The following GRID2 variants were observed in gnomAD, a reference collection of about 807,000 sequenced individuals.
GRID2 encodes the protein glutamate ionotropic receptor delta type subunit 2.
In GRID2, 33 loss-of-function variants were observed where a neutral mutation model predicts 114.8. That is an observed-to-expected ratio of 0.29 (90% CI 0.22 to 0.38). The LOEUF (loss-of-function observed/expected upper bound fraction) is 0.38. GRID2 is among the 10% of genes least tolerant of loss of function. The pLI, the probability that GRID2 is intolerant of heterozygous loss-of-function variation, is 1.00. For synonymous variants in GRID2, 505 were observed against 449.9 expected (o/e 1.12, Z -1.55); for missense variants, 1,184 against 1,257.7 (o/e 0.94, Z 0.89).
At chr4:93,328,985 A>ACT (rs1758150182) in intron 8 of GRID2, among the ~76,000 whole-genome samples, 4 of 152,302 alleles carry the variant, frequency 2.6e-5, no homozygotes, top group African/African-American at 9.6e-5. Flanking sequence ...CTGCAGTTTT[A>ACT]GTACCTACTA....
intron 1 of GRID2, among the ~76,000 whole-genome samples, chr4:92,515,327 G>T (rs1309672931): frequency 4.0e-5 from 6 of 151,766 alleles, no homozygotes; most frequent in Non-Finnish European, 7.4e-5. Context: ...CCGTCACCTT[G>T]TTTCTTAAAA....
chr4:93,350,072 A>G (rs1264065879), intron 8 of GRID2, among the ~76,000 whole-genome samples: 1 of 152,036 alleles, frequency 6.6e-6, no homozygotes, highest in Admixed American at 6.6e-5. Flanking sequence ...AGAGGAAGGT[A>G]GAACCATTTT....
Position 92,662,602 on chromosome 4 carries a change from G to T in GRID2, c.244+72316G>T, listed in dbSNP as rs1358039280. On this transcript the variant is annotated intron_variant, in intron 2 of 15. Transcript: ENST00000282020. Reference sequence around the variant, plus strand: ...CAGGGATAAAGAATAAAAAAAAAAGGTAAACTTTGAAGTGAATTATTGGGA... The same window carrying T: ...CAGGGATAAAGAATAAAAAAAAAAGTTAAACTTTGAAGTGAATTATTGGGA... Among the ~76,000 whole-genome samples, 6 of 151,006 alleles carry T rather than the reference G, an allele frequency of 4.0e-5. No individual in the cohort carries two copies. The Admixed American group carries it at 4.0e-4, about 10-fold the overall frequency.
chr4:92,904,505 A>G (rs974068765), intron 2 of GRID2, among the ~76,000 whole-genome samples: 6 of 151,962 alleles, frequency 3.9e-5, no homozygotes, highest in African/African-American at 1.4e-4. Flanking sequence ...AAAAGAGTAC[A>G]TAAGCATTTA....
chr4:93,292,829 C>T (rs1268740640), intron 8 of GRID2, among the ~76,000 whole-genome samples: 2 of 152,128 alleles, frequency 1.3e-5, no homozygotes, highest in East Asian at 3.8e-4. Context: ...TAATATAGGT[C>T]CCCTGAGCTA....
chr4:92,850,473 T>G (rs189685077), intron 2 of GRID2, among the ~76,000 whole-genome samples: 210 of 152,046 alleles, frequency 1.4e-3, no homozygotes, highest in African/African-American at 4.8e-3. Flanking sequence ...CAAACAGGAT[T>G]GATTGACATA....
chr4:93,471,637 A>T (rs1724806332), intron 11 of GRID2, among the ~76,000 whole-genome samples: 1 of 150,124 alleles, frequency 6.7e-6, no homozygotes, highest in African/African-American at 2.5e-5. Flanking sequence ...CATACTTTTC[A>T]AGTTTAAGAC....
intron 11 of GRID2, among the ~76,000 whole-genome samples, chr4:93,485,271 A>G (rs2149451812): frequency 6.6e-6 from 1 of 151,926 alleles, no homozygotes; most frequent in African/African-American, 2.4e-5. Context: ...ATAGATTTAT[A>G]GGAGTTAATA....
At chr4:93,357,040 T>C (rs992671740) in intron 8 of GRID2, among the ~76,000 whole-genome samples, 1 of 151,732 alleles carries the variant, frequency 6.6e-6, no homozygotes, top group Non-Finnish European at 1.5e-5. Context: ...TGGCCTGTTT[T>C]CAATTTTTTT....
intron 9 of GRID2, among the ~76,000 whole-genome samples, chr4:93,399,079 G>C (rs887542037): frequency 2.6e-5 from 4 of 151,836 alleles, no homozygotes; most frequent in African/African-American, 9.7e-5. Context: ...CTGAAACTAG[G>C]ATTTAATCTA....
intron 13 of GRID2, among the ~76,000 whole-genome samples, chr4:93,556,356 T>C (rs1175662021): frequency 6.6e-6 from 1 of 152,138 alleles, no homozygotes; most frequent in Non-Finnish European, 1.5e-5. Context: ...ACTAAGAACG[T>C]TGAGTAAACG....
intron 8 of GRID2, chr4:93,258,963 A>G: frequency 2.2e-6 from 1 of 454,834 alleles, no homozygotes; most frequent in Non-Finnish European, 4.4e-6. Context: ...ATTAATAAGG[A>G]CTGATGTGCT....
intron 4 of GRID2, among the ~76,000 whole-genome samples, chr4:93,145,467 A>ATTTT (rs1448182187): frequency 9.9e-6 from 1 of 101,034 alleles, no homozygotes; most frequent in African/African-American, 4.6e-5. Context: ...TTATTTATTT[A>ATTTT]TTTATTTTTT....
intron 14 of GRID2, among the ~76,000 whole-genome samples, chr4:93,716,717 A>C (rs1268876262): frequency 6.6e-6 from 1 of 151,900 alleles, no homozygotes; most frequent in African/African-American, 2.4e-5. Flanking sequence ...CTTAAATATT[A>C]AGTTAGCTCT....
chr4:93,511,779 CT>C (rs1157223214), intron 12 of GRID2, among the ~76,000 whole-genome samples: 2,054 of 137,336 alleles, frequency 0.015, 19 homozygotes, highest in African/African-American at 0.043. Flanking sequence ...ATTCCTTCTT[CT>C]TTTTTTTTTT....
chr4:92,739,271 TAACA>T (rs1395353069), intron 2 of GRID2, among the ~76,000 whole-genome samples: 10 of 152,158 alleles, frequency 6.6e-5, no homozygotes, highest in Non-Finnish European at 1.0e-4. Context: ...TTAACTTAAT[TAACA>T]AACTTAAATT....
chr4:93,555,138 C>G (rs903898836), intron 13 of GRID2, among the ~76,000 whole-genome samples: 2 of 152,174 alleles, frequency 1.3e-5, no homozygotes, highest in Non-Finnish European at 2.9e-5. Context: ...CCTCGGGTGC[C>G]TACACCACCA....
chr4:92,602,013 G>C (rs1486182087), intron 2 of GRID2, among the ~76,000 whole-genome samples: 1 of 151,884 alleles, frequency 6.6e-6, no homozygotes, highest in African/African-American at 2.4e-5. Context: ...AATTGAGGCA[G>C]TCATAAATAG....
chr4:93,609,119 A>C (rs1197294261), intron 13 of GRID2, among the ~76,000 whole-genome samples: 112 of 107,286 alleles, frequency 1.0e-3, no homozygotes, highest in East Asian at 4.7e-3. Context: ...TCTTTTGAGA[A>C]GTGTCTGTTC....
Sources: gnomAD v4.1 joint callset for allele counts (sites outside exome capture counted in the v4.1 genomes callset) on GRCh38, gnomAD v4.1.1 for gene constraint, MANE v1.5 for transcripts, NCBI Gene and HGNC (gene_info 2026-07-23, HGNC 2026-07-21) for gene names.